Variants in DAB1 observed in about 807,000 individuals in gnomAD.
DAB1 encodes DAB adaptor protein 1.
DAB1 carries 15 observed loss-of-function variants against 64.6 expected under a neutral mutation model. The observed-to-expected ratio is 0.23, with a 90% CI of 0.16 to 0.36. The LOEUF (loss-of-function observed/expected upper bound fraction) is 0.36, where lower values mean the gene tolerates loss of function less well. DAB1 is among the 10% of genes least tolerant of loss of function. DAB1 has a pLI of 1.00. For synonymous variants in DAB1, 235 were observed against 251.9 expected (o/e 0.93, Z 0.64); for missense variants, 596 against 706.7 (o/e 0.84, Z 1.78).
chr1:58,215,976 C>A (rs1658826363), intron 4 of DAB1, among the ~76,000 whole-genome samples: 2 of 151,982 alleles, frequency 1.3e-5, no homozygotes, highest in African/African-American at 2.4e-5. Flanking sequence ...TGAATGAATG[C>A]ATGGATGGAT....
chr1:57,452,301 A>C (rs1686414142), intron 7 of DAB1, among the ~76,000 whole-genome samples: 1 of 151,510 alleles, frequency 6.6e-6, no homozygotes, highest in Non-Finnish European at 1.5e-5. Context: ...GTGGGCTTGG[A>C]ATATTGACTC....
chr1:58,179,186 T>C (rs1406951009), intron 4 of DAB1, among the ~76,000 whole-genome samples: 1 of 151,836 alleles, frequency 6.6e-6, no homozygotes, highest in African/African-American at 2.4e-5. Flanking sequence ...TAAATTTCAC[T>C]TGATTGTGAA....
intron 4 of DAB1, among the ~76,000 whole-genome samples, chr1:58,225,671 A>G (rs935541057): frequency 6.6e-6 from 1 of 152,004 alleles, no homozygotes; most frequent in Non-Finnish European, 1.5e-5. Context: ...AGGGACATGG[A>G]TGAAGCTGGA....
At chr1:58,285,103 C>A (rs555364506) in intron 4 of DAB1, among the ~76,000 whole-genome samples, 88 of 152,308 alleles carry the variant, frequency 5.8e-4, no homozygotes, top group African/African-American at 2.1e-3. Context: ...TAAAATTCAA[C>A]ATCCTTCATG....
chr1:57,039,746 A>G (rs1647488003), intron 9 of DAB1, among the ~76,000 whole-genome samples: 2 of 152,208 alleles, frequency 1.3e-5, no homozygotes, highest in African/African-American at 4.8e-5. Flanking sequence ...GAAAATATAC[A>G]TGAGGTTGGG....
chr1:57,616,694 G>T (rs1645794182), intron 7 of DAB1, among the ~76,000 whole-genome samples: 1 of 152,150 alleles, frequency 6.6e-6, no homozygotes, highest in African/African-American at 2.4e-5. Context: ...CCCCCTTTAG[G>T]CAATCTGTGA....
At chr1:58,473,978 G>T (rs202034822) in intron 3 of DAB1, 23 of 1,264,720 alleles carry the variant, frequency 1.8e-5, no homozygotes, top group Non-Finnish European at 5.2e-6. Context: ...GCTGTCACAT[G>T]CACGTAAATA....
chr1:57,111,005 C>T (rs2100723325), intron 4 of DAB1, among the ~76,000 whole-genome samples: 1 of 151,854 alleles, frequency 6.6e-6, no homozygotes, highest in Non-Finnish European at 1.5e-5. Context: ...ACATATAGTA[C>T]AGAGAAGAAT....
intron 1 of DAB1, among the ~76,000 whole-genome samples, chr1:57,857,449 T>C (rs191661222): frequency 3.9e-5 from 6 of 152,328 alleles, no homozygotes; most frequent in Admixed American, 6.5e-5. Context: ...ATGGGGATGA[T>C]AGCTAAGACT....
chr1:58,410,121 TC>T, intron 3 of DAB1, among the ~76,000 whole-genome samples: 1 of 152,238 alleles, frequency 6.6e-6, no homozygotes, highest in Non-Finnish European at 1.5e-5. Context: ...TGGATTTTTT[TC>T]CTTCTCAGCC....
At chr1:58,403,327 A>C (rs182112105) in intron 3 of DAB1, among the ~76,000 whole-genome samples, 131 of 152,048 alleles carry the variant, frequency 8.6e-4, no homozygotes, top group African/African-American at 3.0e-3. Flanking sequence ...AAACAAAAAC[A>C]TTTCCTCAAC....
chr1:57,057,530 G>A (rs1421328658), intron 9 of DAB1, among the ~76,000 whole-genome samples: 3 of 151,868 alleles, frequency 2.0e-5, no homozygotes, highest in African/African-American at 7.3e-5. Flanking sequence ...CAAATTCACT[G>A]GGCCCAAATC....
intron 7 of DAB1, among the ~76,000 whole-genome samples, chr1:57,473,009 A>G (rs1687196400): frequency 6.6e-6 from 1 of 152,158 alleles, no homozygotes; most frequent in South Asian, 2.1e-4. Context: ...TTATTTCTCC[A>G]TGTCATACTG....
At chr1:58,183,518 A>T (rs1656908888) in intron 4 of DAB1, among the ~76,000 whole-genome samples, 1 of 152,172 alleles carries the variant, frequency 6.6e-6, no homozygotes, top group African/African-American at 2.4e-5. Context: ...ACTTGCAACC[A>T]GTATTGCAAG....
intron 9 of DAB1, among the ~76,000 whole-genome samples, chr1:57,047,269 G>C (rs529820602): frequency 6.6e-6 from 1 of 152,278 alleles, no homozygotes; most frequent in Non-Finnish European, 1.5e-5. Flanking sequence ...GCTTGGTGAG[G>C]TTTCAGTATT....
At chr1:58,334,441 A>G (rs1466962672) in intron 4 of DAB1, among the ~76,000 whole-genome samples, 2 of 151,966 alleles carry the variant, frequency 1.3e-5, no homozygotes, top group Non-Finnish European at 2.9e-5. Context: ...ATACACTCAT[A>G]AAATAAACCA....
chr1:57,562,316 T>A (rs549295053), intron 7 of DAB1, among the ~76,000 whole-genome samples: 1 of 152,204 alleles, frequency 6.6e-6, no homozygotes, highest in Admixed American at 6.5e-5. Context: ...GAGGTTGCAA[T>A]GAGCTGAGAT....
intron 6 of DAB1, among the ~76,000 whole-genome samples, chr1:57,712,510 A>G (rs1231749248): frequency 2.0e-5 from 3 of 152,174 alleles, no homozygotes; most frequent in Non-Finnish European, 2.9e-5. Context: ...CCAATATTCC[A>G]AATTATTTGC....
At chr1:57,952,135 C>G (rs553389540) in intron 5 of DAB1, among the ~76,000 whole-genome samples, 1 of 151,942 alleles carries the variant, frequency 6.6e-6, no homozygotes, top group Non-Finnish European at 1.5e-5. Context: ...TTCTTTGCCT[C>G]CAGGAACGAC....
Sources: allele counts gnomAD v4.1 joint callset (sites outside exome capture counted in the v4.1 genomes callset), GRCh38; gene constraint gnomAD v4.1.1; transcripts MANE v1.5; gene names NCBI Gene and HGNC (gene_info 2026-07-23, HGNC 2026-07-21).